The following CSMD1 variants were observed in gnomAD, a reference collection of about 807,000 sequenced individuals.
CSMD1 encodes CUB and Sushi multiple domains 1.
A neutral mutation model predicts 417.5 loss-of-function variants in CSMD1; 213 were observed. The ratio of observed to expected loss-of-function variants is 0.51; its 90% confidence interval spans 0.46 to 0.57. The LOEUF is 0.57. CSMD1 is among the 20% of genes least tolerant of loss of function. The probability of loss-of-function intolerance (pLI) is 0.00; values close to 1 mark genes in which losing one functional copy is unlikely to be tolerated. For missense variants in CSMD1, 6,923 were observed against 4,529.7 expected (o/e 1.53, Z -15.17); for synonymous variants, 2,862 against 1,736.8 (o/e 1.65, Z -16.11).
chr8:4,258,267 C>A (rs147528208), intron 3 of CSMD1, among the ~76,000 whole-genome samples: 14 of 131,780 alleles, frequency 1.1e-4, no homozygotes, highest in Non-Finnish European at 1.9e-4. Context: ...AAAGGCCTGT[C>A]GCTGTGAGCT....
chr8:4,724,520 ATGTGTGTGTGTGTGTGTGTGTG>A (rs66498850), intron 1 of CSMD1, among the ~76,000 whole-genome samples: 1 of 145,218 alleles, frequency 6.9e-6, no homozygotes, highest in Non-Finnish European at 1.5e-5. Flanking sequence ...TTATATATAT[ATGTGTGTGTGTGTGTGTGTGTG>A]TGTGTGTGTG....
intron 3 of CSMD1, among the ~76,000 whole-genome samples, chr8:4,123,147 A>C (rs565096036): frequency 6.6e-6 from 1 of 152,396 alleles, no homozygotes; most frequent in Admixed American, 6.5e-5. Context: ...AAGAATATTT[A>C]GGCAGTCCAT....
intron 7 of CSMD1, among the ~76,000 whole-genome samples, chr8:3,642,164 T>C (rs1028684634): frequency 4.0e-5 from 6 of 151,358 alleles, no homozygotes; most frequent in Non-Finnish European, 7.4e-5. Flanking sequence ...TACACAAATA[T>C]ATAATATTTA....
At chr8:4,874,888 T>G (rs939180522) in intron 1 of CSMD1, among the ~76,000 whole-genome samples, 3 of 149,506 alleles carry the variant, frequency 2.0e-5, no homozygotes, top group African/African-American at 7.4e-5. Flanking sequence ...GTATAGAGTA[T>G]AGTGTATATA....
chr8:4,466,086 A>ACTCG (rs1800149138), intron 2 of CSMD1, among the ~76,000 whole-genome samples: 1 of 152,210 alleles, frequency 6.6e-6, no homozygotes, highest in East Asian at 1.9e-4. Context: ...TGGAGAGATT[A>ACTCG]AATATCATGA....
intron 3 of CSMD1, among the ~76,000 whole-genome samples, chr8:4,146,575 T>G (rs2131036216): frequency 6.9e-6 from 1 of 145,744 alleles, no homozygotes; most frequent in South Asian, 2.2e-4. Context: ...ATTATCTGTC[T>G]AAATGTTTAT....
At chr8:3,985,750 A>G (rs909783481) in intron 5 of CSMD1, among the ~76,000 whole-genome samples, 4 of 105,082 alleles carry the variant, frequency 3.8e-5, no homozygotes, top group African/African-American at 1.3e-4. Flanking sequence ...TTAAAATGTT[A>G]AAGTGATTTT....
At chr8:3,175,686 GC>G (rs1820894117) in intron 37 of CSMD1, among the ~76,000 whole-genome samples, 2 of 151,610 alleles carry the variant, frequency 1.3e-5, no homozygotes, top group Admixed American at 6.6e-5. Flanking sequence ...TACGAGCAGA[GC>G]TTCAGACGTG....
intron 1 of CSMD1, among the ~76,000 whole-genome samples, chr8:4,901,678 C>A (rs1366229540): frequency 6.6e-6 from 1 of 151,968 alleles, no homozygotes; most frequent in South Asian, 2.1e-4. Flanking sequence ...TTAAAAAATC[C>A]AACTGGCAGT....
intron 7 of CSMD1, among the ~76,000 whole-genome samples, chr8:3,679,988 G>A (rs1401577904): frequency 2.0e-5 from 3 of 152,032 alleles, no homozygotes; most frequent in Admixed American, 6.6e-5. Flanking sequence ...TGAAACCAAC[G>A]AGAACAAAGA....
At chr8:3,838,586 G>C (rs1230930152) in intron 5 of CSMD1, among the ~76,000 whole-genome samples, 1 of 133,882 alleles carries the variant, frequency 7.5e-6, no homozygotes, top group East Asian at 2.1e-4. Flanking sequence ...TATATCTATA[G>C]TCCCTCTCTA....
chr8:3,010,860 C>T (rs1206854662), intron 52 of CSMD1, among the ~76,000 whole-genome samples: 3 of 151,806 alleles, frequency 2.0e-5, no homozygotes, highest in Admixed American at 2.0e-4. Context: ...TCTCCTGCCT[C>T]AGCTTCCCAA....
intron 2 of CSMD1, among the ~76,000 whole-genome samples, chr8:4,434,946 C>T (rs2128949344): frequency 6.6e-6 from 1 of 152,232 alleles, no homozygotes; most frequent in Non-Finnish European, 1.5e-5. Flanking sequence ...ATGTTAAAAC[C>T]AATTATTTCC....
chr8:3,491,617 G>A (rs184363998), intron 11 of CSMD1, among the ~76,000 whole-genome samples: 12 of 152,294 alleles, frequency 7.9e-5, no homozygotes, highest in African/African-American at 2.4e-4. Context: ...TGAAGGAGTC[G>A]TGTCCCTGGT....
chr8:4,821,804 G>A (rs185578199), intron 1 of CSMD1, among the ~76,000 whole-genome samples: 6 of 152,234 alleles, frequency 3.9e-5, no homozygotes, highest in Non-Finnish European at 8.8e-5. Context: ...TTGGGTACGT[G>A]TAACTAAATA....
At chr8:3,657,626 A>G (rs926401577) in intron 7 of CSMD1, among the ~76,000 whole-genome samples, 3 of 152,184 alleles carry the variant, frequency 2.0e-5, no homozygotes, top group Admixed American at 1.3e-4. Context: ...ATTCTCACTC[A>G]TAAGTGGGTG....
chr8:4,880,529 C>A (rs1181171352), intron 1 of CSMD1, among the ~76,000 whole-genome samples: 3 of 152,042 alleles, frequency 2.0e-5, no homozygotes, highest in Non-Finnish European at 4.4e-5. Context: ...TAAATGTCAC[C>A]TTTTCCTTCG....
intron 3 of CSMD1, among the ~76,000 whole-genome samples, chr8:4,179,456 A>C (rs1798233848): frequency 6.6e-6 from 1 of 151,846 alleles, no homozygotes; most frequent in African/African-American, 2.4e-5. Context: ...TAAACGTTAG[A>C]CCTAAAACCA....
intron 11 of CSMD1, among the ~76,000 whole-genome samples, chr8:3,483,891 G>T (rs140259958): frequency 6.6e-6 from 1 of 152,136 alleles, no homozygotes; most frequent in Admixed American, 6.5e-5. Flanking sequence ...GAAAGAACAT[G>T]ATATATCAGC....
Sources: allele counts gnomAD v4.1 joint callset (sites outside exome capture counted in the v4.1 genomes callset), GRCh38; gene constraint gnomAD v4.1.1; transcripts MANE v1.5; gene names NCBI Gene and HGNC (gene_info 2026-07-23, HGNC 2026-07-21).